The following CD55 variants were observed in gnomAD, a reference collection of about 807,000 sequenced individuals.
CD55 encodes the protein complement decay-accelerating factor.
A neutral mutation model predicts 45.8 loss-of-function variants in CD55; 41 were observed. The observed-to-expected ratio is 0.90, with a 90% CI of 0.70 to 1.16. The LOEUF is 1.16. Among genes scored for constraint, CD55 ranks in the 50% most tolerant of loss-of-function variants. The pLI, the probability that CD55 is intolerant of heterozygous loss-of-function variation, is 0.00. For missense variants in CD55, 416 were observed against 469.8 expected (o/e 0.89, Z 1.06); for synonymous variants, 181 against 181.1 (o/e 1.00, Z 0.01).
chr1:207,326,129 A>G (rs901303542), intron 4 of CD55, among the ~76,000 whole-genome samples: 5 of 152,214 alleles, frequency 3.3e-5, no homozygotes, highest in African/African-American at 4.8e-5. Flanking sequence ...AGTTAAAGAC[A>G]TTCCTAGTGT....
intron 9 of CD55, among the ~76,000 whole-genome samples, chr1:207,356,725 A>C (rs1481553595): frequency 1.3e-5 from 2 of 152,208 alleles, no homozygotes; most frequent in Admixed American, 1.3e-4. Flanking sequence ...CTTGGCACAT[A>C]GTAAGCACTC....
At chr1:207,325,334 CAAA>C (rs59606883) in intron 3 of CD55, among the ~76,000 whole-genome samples, 17 of 115,634 alleles carry the variant, frequency 1.5e-4, no homozygotes, top group Admixed American at 1.8e-4. Flanking sequence ...AACTCCATCT[CAAA>C]AAAAAAAAAA....
chr1:207,346,318 T>C (rs1203626030), intron 9 of CD55, among the ~76,000 whole-genome samples: 1 of 152,146 alleles, frequency 6.6e-6, no homozygotes, highest in Non-Finnish European at 1.5e-5. Context: ...GTGGACTGGC[T>C]GAGCATCCGG....
chr1:207,353,922 A>G (rs1655984425), intron 9 of CD55: 12 of 1,264,110 alleles, frequency 9.5e-6, no homozygotes, highest in East Asian at 2.6e-5. Flanking sequence ...TTATTCTGTT[A>G]CATTAAGTAT....
intron 9 of CD55, chr1:207,340,459 G>T: frequency 1.5e-6 from 1 of 675,614 alleles, no homozygotes; most frequent in South Asian, 1.6e-5. Context: ...TCGAACTCCT[G>T]GGTTCAAGCG....
chr1:207,331,656 G>A (rs907593974), intron 6 of CD55, among the ~76,000 whole-genome samples: 1 of 152,126 alleles, frequency 6.6e-6, no homozygotes, highest in South Asian at 2.1e-4. Flanking sequence ...ATCTTAGATT[G>A]AAGGCTCTAG....
At chr1:207,336,010 C>G (rs913705574) in intron 6 of CD55, among the ~76,000 whole-genome samples, 2 of 152,118 alleles carry the variant, frequency 1.3e-5, no homozygotes, top group Admixed American at 1.3e-4. Flanking sequence ...AATACTGCCT[C>G]AACAGGGGAC....
chr1:207,354,257 A>G, intron 9 of CD55: 1 of 984,716 alleles, frequency 1.0e-6, no homozygotes, highest in Non-Finnish European at 1.2e-6. Context: ...ATCTGGGGCT[A>G]GAAGTGAGTT....
intron 6 of CD55, among the ~76,000 whole-genome samples, chr1:207,335,281 A>G (rs1347066926): frequency 6.6e-6 from 1 of 152,200 alleles, no homozygotes; most frequent in African/African-American, 2.4e-5. Flanking sequence ...ATATATACAT[A>G]TGAGACCATT....
intron 9 of CD55, among the ~76,000 whole-genome samples, chr1:207,343,186 T>C (rs1655502486): frequency 6.6e-6 from 1 of 152,158 alleles, no homozygotes. Flanking sequence ...TTAGCTCTGC[T>C]CTGATTTTTC....
At chr1:207,330,800 C>CGA (rs1558146427) in intron 5 of CD55, among the ~76,000 whole-genome samples, 64 of 152,296 alleles carry the variant, frequency 4.2e-4, no homozygotes, top group African/African-American at 1.3e-3. Context: ...ATTCACTTTT[C>CGA]CTAGCACCGT....
intron 2 of CD55, 100 bp downstream of exon 2, chr1:207,322,667 C>A (rs1387931599): frequency 3.0e-6 from 3 of 1,015,722 alleles, no homozygotes; most frequent in Non-Finnish European, 2.8e-6. Flanking sequence ...AGTTCTCTAG[C>A]GTTACTAAAC....
At chr1:207,328,927 A>G (rs1654807824) in intron 5 of CD55, among the ~76,000 whole-genome samples, 1 of 152,246 alleles carries the variant, frequency 6.6e-6, no homozygotes, top group African/African-American at 2.4e-5. Flanking sequence ...TGTATCAAAT[A>G]GCCCTTCCTC....
intron 9 of CD55, among the ~76,000 whole-genome samples, chr1:207,354,912 G>A (rs929646875): frequency 2.0e-5 from 3 of 152,142 alleles, no homozygotes; most frequent in Non-Finnish European, 2.9e-5. Context: ...TCATCTGGAT[G>A]TTCTAGATCA....
intron 9 of CD55, among the ~76,000 whole-genome samples, chr1:207,342,593 T>C (rs1037859588): frequency 3.9e-5 from 6 of 152,210 alleles, no homozygotes; most frequent in Non-Finnish European, 8.8e-5. Flanking sequence ...TTGGATTTGG[T>C]TTGCTAATAC....
intron 9 of CD55, among the ~76,000 whole-genome samples, chr1:207,349,555 T>C (rs1655784312): frequency 1.3e-5 from 2 of 152,232 alleles, no homozygotes; most frequent in African/African-American, 4.8e-5. Flanking sequence ...TTGTATTGTC[T>C]CTGTCTTCTT....
rs574329604 is a variant in CD55, at chr1:207,344,799, GC to G, written c.1081+5384del. Among the ~76,000 whole-genome samples, 26 of 151,546 alleles carry G rather than the reference GC, an allele frequency of 1.7e-4. No homozygotes were observed. In the East Asian group the frequency reaches 4.7e-3, roughly 27 times the overall value. ...GCAATCTCAGCTCACTGCAGCCTCT[GC>G]CTCCCAAGTTCAAGCGATTCTCCCA... On this transcript the variant is annotated intron_variant, in intron 9 of 9. Transcript: ENST00000367064.
At chr1:207,358,023 T>G (rs1214298966) in intron 9 of CD55, among the ~76,000 whole-genome samples, 1 of 152,188 alleles carries the variant, frequency 6.6e-6, no homozygotes, top group Non-Finnish European at 1.5e-5. Flanking sequence ...CAGTTGACTG[T>G]GGGTAACTGA....
intron 6 of CD55, among the ~76,000 whole-genome samples, chr1:207,334,819 G>C (rs1271897831): frequency 1.3e-5 from 2 of 152,034 alleles, no homozygotes; most frequent in Admixed American, 1.3e-4. Flanking sequence ...TAAGGTTGTT[G>C]ATATAAACCC....
Sources: allele counts gnomAD v4.1 joint callset (sites outside exome capture counted in the v4.1 genomes callset), GRCh38; gene constraint gnomAD v4.1.1; transcripts MANE v1.5; gene names NCBI Gene and HGNC (gene_info 2026-07-23, HGNC 2026-07-21).